The following SNX29 variants were observed in gnomAD, a reference collection of about 807,000 sequenced individuals.
The protein encoded by SNX29 is sorting nexin-29.
A neutral mutation model predicts 102.1 loss-of-function variants in SNX29; 78 were observed. That is an observed-to-expected ratio of 0.76 (90% confidence interval 0.64 to 0.92). SNX29 has a LOEUF of 0.92. SNX29 is among the 40% of genes least tolerant of loss of function. The pLI is 0.00. For missense variants in SNX29, 1,280 were observed against 1,061.7 expected (o/e 1.21, Z -2.86); for synonymous variants, 580 against 414.5 (o/e 1.40, Z -4.85).
chr16:12,075,196 G>A lies in SNX29; in HGVS notation c.1320-3637G>A, dbSNP rs9938904. Among the ~76,000 whole-genome samples the A allele has an allele frequency of 4.9e-3, 743 of 152,264 alleles. 12 individuals are homozygous for A. The highest frequency in any genetic ancestry group is 0.017 in the African/African-American group (700 of 41,562). ...GTCATTCTCCGTCCAGCTTTGTTCC[G>A]TTGCTGGTGAGGAACCGTGTTCCTT... On this transcript the variant is annotated intron_variant, in intron 10 of 20. Coordinates refer to ENST00000566228, the MANE Select transcript of SNX29 (RefSeq NM_032167.5).
rs117831647 is a variant in SNX29 at position 12,350,726 on chromosome 16, C to T, written c.1783-5437C>T. On this transcript the variant is annotated intron_variant, in intron 15 of 20. Coordinates refer to ENST00000566228, the MANE Select transcript of SNX29 (RefSeq NM_032167.5). ...CGTTCAAAGCTGAGTCTGTGAAATG[C>T]TCCTTTTGTGTTTACCAGTGGCTCT... Among the ~76,000 whole-genome samples the T allele has an allele frequency of 4.2e-4, 64 of 152,320 alleles. No homozygotes were observed. In the East Asian group the frequency reaches 0.011, roughly 25 times the overall value.
chr16:12,540,412 TAC>T (rs763474313), intron 20 of SNX29, among the ~76,000 whole-genome samples: 10 of 152,328 alleles, frequency 6.6e-5, no homozygotes, highest in Admixed American at 4.6e-4. Context: ...GGCTAAAAAC[TAC>T]AGATTTATTC....
At chr16:12,359,343 A>G (rs2082235257) in intron 16 of SNX29, among the ~76,000 whole-genome samples, 1 of 151,258 alleles carries the variant, frequency 6.6e-6, no homozygotes, top group Non-Finnish European at 1.5e-5. Flanking sequence ...ACCTACCAAT[A>G]CCTTTTTGCA....
At chr16:12,410,626 G>A (rs888895517) in intron 18 of SNX29, among the ~76,000 whole-genome samples, 5 of 151,988 alleles carry the variant, frequency 3.3e-5, no homozygotes, top group Non-Finnish European at 7.4e-5. Context: ...AAGAGACAGG[G>A]TCTCACTGTG....
At chr16:12,182,606 G>A (rs1348323226) in intron 13 of SNX29, among the ~76,000 whole-genome samples, 1 of 152,134 alleles carries the variant, frequency 6.6e-6, no homozygotes, top group Non-Finnish European at 1.5e-5. Context: ...CCTCTAGCCT[G>A]AGTTTCATCT....
chr16:12,011,434 C>T (rs749799911), intron 3 of SNX29, among the ~76,000 whole-genome samples: 24 of 151,738 alleles, frequency 1.6e-4, no homozygotes, highest in Non-Finnish European at 2.9e-4. Flanking sequence ...GTCACCACAC[C>T]CAGCTAATTT....
At chr16:12,192,196 G>C (rs962164383) in intron 13 of SNX29, among the ~76,000 whole-genome samples, 2 of 152,178 alleles carry the variant, frequency 1.3e-5, no homozygotes, top group Non-Finnish European at 2.9e-5. Context: ...CTGTTTGAGA[G>C]GTACTTGCCA....
chr16:12,281,763 C>G (rs1319665600), intron 15 of SNX29, among the ~76,000 whole-genome samples: 1 of 152,040 alleles, frequency 6.6e-6, no homozygotes, highest in African/African-American at 2.4e-5. Context: ...TCCCAAGAGT[C>G]CTTAGCTGCT....
intron 13 of SNX29, among the ~76,000 whole-genome samples, chr16:12,151,755 A>G (rs964739106): frequency 6.6e-6 from 1 of 152,028 alleles, no homozygotes; most frequent in Non-Finnish European, 1.5e-5. Flanking sequence ...TTGTTTTTTG[A>G]GACAGAGCCT....
chr16:12,058,797 G>GTTT lies in SNX29; in HGVS notation c.1125-2706_1125-2704dup, dbSNP rs34150245. Reference sequence around the variant, plus strand: ...GTGTGAGCCACAGCACCCGGCCTGGGTTTTTTTTTTTTTTTTTTTTTTTTT... The same window carrying GTTT: ...GTGTGAGCCACAGCACCCGGCCTGGGTTTTTTTTTTTTTTTTTTTTTTTTTTTT... On this transcript the variant is annotated intron_variant, in intron 8 of 20. Coordinates refer to ENST00000566228, the MANE Select transcript of SNX29 (RefSeq NM_032167.5). 1.2e-4 allele frequency among the ~76,000 whole-genome samples: 14 copies of GTTT among 113,760 alleles called. 1 individual carries two copies. The highest frequency in any genetic ancestry group is 5.3e-3 in the Middle Eastern group (1 of 188). The allele number at this position is 113,760 out of a possible 152,430, so 74.6% of individuals were successfully genotyped here.
chr16:12,229,848 C>G (rs1472015647), intron 14 of SNX29, among the ~76,000 whole-genome samples: 1 of 152,168 alleles, frequency 6.6e-6, no homozygotes, highest in Non-Finnish European at 1.5e-5. Context: ...TAGCTCAGCT[C>G]TGTCTCATAC....
chr16:12,321,335 T>C (rs1054146921), intron 15 of SNX29, among the ~76,000 whole-genome samples: 1 of 152,158 alleles, frequency 6.6e-6, no homozygotes, highest in African/African-American at 2.4e-5. Flanking sequence ...CCTGGAGGAA[T>C]GACTTCCCAA....
chr16:12,546,488 A>G (rs1268782098), intron 20 of SNX29: 1 of 152,192 alleles, frequency 6.6e-6, no homozygotes, highest in Non-Finnish European at 1.5e-5. Context: ...GAAGAACAGC[A>G]CAGGAAAGAC....
chr16:12,493,377 A>G (rs1443456077), intron 19 of SNX29, among the ~76,000 whole-genome samples: 2 of 151,566 alleles, frequency 1.3e-5, no homozygotes, highest in Non-Finnish European at 1.5e-5. Flanking sequence ...ATTTTTGCAC[A>G]TTGATTTTGT....
intron 14 of SNX29, among the ~76,000 whole-genome samples, chr16:12,255,588 T>A (rs1198019275): frequency 6.7e-6 from 1 of 149,896 alleles, no homozygotes; most frequent in Non-Finnish European, 1.5e-5. Flanking sequence ...TGCTCTCTGC[T>A]TCTATGCTCA....
rs372907309 is a variant in SNX29 at position 12,517,438 on chromosome 16, T to C, written c.2179-7264T>C. ...CTTGCTCCCTGGTGTTCGGCTCTCT[T>C]TGGAATCAGGGAGCTGGCTTCCAGG... On this transcript the variant is annotated intron_variant, in intron 19 of 20. Coordinates refer to ENST00000566228, the MANE Select transcript of SNX29 (RefSeq NM_032167.5). Among the ~76,000 whole-genome samples the C allele has an allele frequency of 5.2e-4, 79 of 152,292 alleles. No individual in the cohort carries two copies. The East Asian group carries it at 8.7e-3, about 17-fold the overall frequency.
chr16:12,308,887 A>G (rs746558178), intron 15 of SNX29, among the ~76,000 whole-genome samples: 1 of 152,178 alleles, frequency 6.6e-6, no homozygotes, highest in African/African-American at 2.4e-5. Flanking sequence ...GAAAAGTGCT[A>G]GAAGACTCTT....
At chr16:12,566,175 G>A (rs930541917) in intron 20 of SNX29, among the ~76,000 whole-genome samples, 3 of 152,194 alleles carry the variant, frequency 2.0e-5, no homozygotes, top group East Asian at 1.9e-4. Context: ...GGTGGCTTTA[G>A]GTAGCCCTTG....
chr16:12,069,216 G>C lies in SNX29; in HGVS notation c.1319+84G>C, dbSNP rs1323494038. 4 of 1,172,312 alleles carry C rather than the reference G, an allele frequency of 3.4e-6. No individual in the cohort carries two copies. The African/African-American group carries it at 6.3e-5, about 18-fold the overall frequency. The allele number at this position is 1,172,312 out of a possible 1,614,324, so 72.6% of individuals were successfully genotyped here. On this transcript the variant is annotated intron_variant, in intron 10 of 20. Transcript: ENST00000566228. Reference sequence around the variant, plus strand: ...ATTTTATTCTTTTTTAAAGATAGGAGTGCACCTGCTAGGATTAAAGGGCAA... The same window carrying C: ...ATTTTATTCTTTTTTAAAGATAGGACTGCACCTGCTAGGATTAAAGGGCAA...
Sources: gnomAD v4.1 joint callset for allele counts (sites outside exome capture counted in the v4.1 genomes callset) on GRCh38, gnomAD v4.1.1 for gene constraint, MANE v1.5 for transcripts, NCBI Gene and HGNC (gene_info 2026-07-23, HGNC 2026-07-21) for gene names.